The following DZIP1L variants were observed in gnomAD, a reference collection of about 807,000 sequenced individuals.
DZIP1L encodes the protein cilium assembly protein DZIP1L.
DZIP1L carries 90 observed loss-of-function variants against 88.7 expected under a neutral mutation model. The observed-to-expected ratio is 1.02, with a 90% CI of 0.86 to 1.21. DZIP1L has a LOEUF of 1.21. Ranked by LOEUF, DZIP1L falls within the 50% of genes most tolerant of loss-of-function variation. DZIP1L has a pLI of 0.00. For missense variants in DZIP1L, 932 were observed against 955.8 expected (o/e 0.98, Z 0.33); for synonymous variants, 363 against 372.1 (o/e 0.98, Z 0.28).
intron 12 of DZIP1L, among the ~76,000 whole-genome samples, chr3:138,070,429 C>T (rs1417554160): frequency 1.3e-5 from 2 of 152,116 alleles, no homozygotes; most frequent in African/African-American, 2.4e-5. Context: ...GATTTTAAGG[C>T]CAGAAGTTTA....
At chr3:138,085,417 AC>A (rs1413221261) in intron 7 of DZIP1L, among the ~76,000 whole-genome samples, 4 of 152,178 alleles carry the variant, frequency 2.6e-5, no homozygotes, top group East Asian at 1.9e-4. Flanking sequence ...CAAGAAAAAA[AC>A]AAACAACCCC....
rs1944193535 is a variant in DZIP1L, at chr3:138,091,004, C to T, written c.870+1379G>A. ...GTTCAAGTGATTCTCCTACCTCAGCCTCCCAAGCAGCTGGGATTATAGGCA... is the reference window on the plus strand; with the variant it reads ...GTTCAAGTGATTCTCCTACCTCAGCTTCCCAAGCAGCTGGGATTATAGGCA... On this transcript the variant is annotated intron_variant, in intron 5 of 15. Coordinates refer to ENST00000327532, the MANE Select transcript of DZIP1L (RefSeq NM_173543.3). 2.6e-5 allele frequency among the ~76,000 whole-genome samples: 4 copies of T among 151,496 alleles called. No homozygotes were observed. The South Asian group carries it at 8.4e-4, about 32-fold the overall frequency.
At chr3:138,102,152 G>A in intron 2 of DZIP1L, 5 of 1,379,792 alleles carry the variant, frequency 3.6e-6, no homozygotes, top group Non-Finnish European at 5.1e-6. Context: ...TGCTGTCCAT[G>A]TCCAGGGAGT....
At chr3:138,076,378 T>C (rs990389608) in intron 11 of DZIP1L, among the ~76,000 whole-genome samples, 2 of 152,244 alleles carry the variant, frequency 1.3e-5, no homozygotes, top group Non-Finnish European at 2.9e-5. Flanking sequence ...TAAAAGGAGA[T>C]CTACCATTTG....
chr3:138,105,218 T>C (rs1442878012), intron 1 of DZIP1L, among the ~76,000 whole-genome samples: 1 of 152,078 alleles, frequency 6.6e-6, no homozygotes, highest in Non-Finnish European at 1.5e-5. Context: ...AAGATATATA[T>C]CATATTAGAA....
intron 11 of DZIP1L, among the ~76,000 whole-genome samples, chr3:138,076,226 C>T (rs1055260916): frequency 6.6e-6 from 1 of 152,180 alleles, no homozygotes; most frequent in African/African-American, 2.4e-5. Context: ...CACCTCACCC[C>T]TACAAGAATG....
At position 138,103,331 on chromosome 3, in the gene DZIP1L, C is replaced by T. The variant is rs147095081; in HGVS notation, c.501+140G>A. On this transcript the variant is annotated intron_variant, in intron 2 of 15. Transcript: ENST00000327532. Reference sequence around the variant, plus strand: ...CAGGCTCTCTGGCCATGAGCAGCATCTCTGAAATCTGCTCCTAACCAGTGA... The same window carrying T: ...CAGGCTCTCTGGCCATGAGCAGCATTTCTGAAATCTGCTCCTAACCAGTGA... The T allele has an allele frequency of 3.3e-3, 3,010 of 919,556 alleles. 7 individuals carry two copies. Among genetic ancestry groups the T allele is most frequent in the Non-Finnish European group, 4.4e-3 (2,701 of 614,060 alleles). 57.0% of individuals were successfully genotyped at this position (919,556 alleles called of 1,614,324 possible).
At chr3:138,083,947 T>C (rs2107782010) in intron 8 of DZIP1L, among the ~76,000 whole-genome samples, 166 bp downstream of exon 8, 1 of 152,330 alleles carries the variant, frequency 6.6e-6, no homozygotes, top group East Asian at 1.9e-4. Flanking sequence ...AGGAGGCAGC[T>C]ACAGCCTTAT....
rs922173873 is a variant in DZIP1L, at chr3:138,103,619, C to T, written c.353G>A (p.Ser118Asn). ...CTGACCACGCTGCTGCTGGCCCAGGCTGGTCTGCAGCCGTGCCTCCAGCTG... is the reference window on the plus strand; with the variant it reads ...CTGACCACGCTGCTGCTGGCCCAGGTTGGTCTGCAGCCGTGCCTCCAGCTG... Reference protein sequence around the residue: ...VAQLEARLQTSLGQQQRGQQE... With the variant: ...VAQLEARLQTNLGQQQRGQQE... Residue 118 changes from serine to asparagine, a missense_variant, in exon 2 of 16, where the codon AGC (serine) becomes AAC (asparagine). Coordinates refer to ENST00000327532, the MANE Select transcript of DZIP1L (RefSeq NM_173543.3). 6.2e-7 allele frequency: 1 copy of T among 1,606,530 alleles called. No homozygotes were observed.
At chr3:138,088,690 TG>T (rs980078793) in intron 5 of DZIP1L, 183 bp from the exon 6 acceptor site, 1 of 1,268,866 alleles carries the variant, frequency 7.9e-7, no homozygotes, top group Non-Finnish European at 9.9e-7. Context: ...AGGGCTCTCC[TG>T]GGGGCTCAGC....
intron 4 of DZIP1L, 129 bp downstream of exon 4, chr3:138,094,733 C>T: frequency 2.0e-5 from 29 of 1,420,590 alleles, no homozygotes; most frequent in Non-Finnish European, 2.8e-5. Flanking sequence ...CAAGAAGGCA[C>T]TATCCCAGCT....
intron 11 of DZIP1L, among the ~76,000 whole-genome samples, chr3:138,074,460 A>G (rs898782331): frequency 2.6e-5 from 4 of 152,236 alleles, no homozygotes; most frequent in Non-Finnish European, 2.9e-5. Flanking sequence ...CAGTGAAACT[A>G]AGCTTCATAA....
At chr3:138,088,558 T>C (rs1317030187) in intron 5 of DZIP1L, 51 bp from the exon 6 acceptor site, 2 of 1,593,552 alleles carry the variant, frequency 1.3e-6, no homozygotes, top group Non-Finnish European at 1.7e-6. Flanking sequence ...CATCATGATG[T>C]TGTCTTTTAT....
rs1261061508 is a variant in DZIP1L at position 138,095,624 on chromosome 3, C to CA, written c.587-642dup. On this transcript the variant is annotated intron_variant, in intron 3 of 15. Coordinates refer to ENST00000327532, the MANE Select transcript of DZIP1L (RefSeq NM_173543.3). ...TGAAACCCCGTCTCTACTAAAAATA[C>CA]AAAAAAAATTAGCCGGGTGTGGTGG... Among the ~76,000 whole-genome samples the CA allele has an allele frequency of 3.3e-5, 5 of 151,628 alleles. No individual in the cohort carries two copies. In the South Asian group the frequency reaches 6.3e-4, roughly 19 times the overall value.
intron 13 of DZIP1L, 76 bp downstream of exon 13, chr3:138,068,075 G>T: frequency 7.7e-7 from 1 of 1,295,978 alleles, no homozygotes; most frequent in Non-Finnish European, 1.0e-6. Flanking sequence ...AAGCCTGGAG[G>T]GAGCCCAGAA....
At chr3:138,092,277 T>C in intron 5 of DZIP1L, 106 bp downstream of exon 5, 1 of 1,288,366 alleles carries the variant, frequency 7.8e-7, no homozygotes, top group Non-Finnish European at 1.0e-6. Flanking sequence ...CTCACAGTGT[T>C]TTAGCTTCCA....
intron 11 of DZIP1L, among the ~76,000 whole-genome samples, chr3:138,076,945 AATATACATACATACATGT>A (rs1272220153): frequency 6.6e-6 from 1 of 152,198 alleles, no homozygotes; most frequent in South Asian, 2.1e-4. Flanking sequence ...CTGAAAATAA[AATATACATACATACATGT>A]ATATACATAC....
chr3:138,102,220 G>C (rs1420482942), intron 2 of DZIP1L: 17 of 1,392,752 alleles, frequency 1.2e-5, no homozygotes, highest in Admixed American at 8.4e-5. Flanking sequence ...TGCAGCTCCC[G>C]GATCTCCTCT....
chr3:138,068,244 T>C lies in DZIP1L; in HGVS notation c.1739A>G (p.His580Arg), dbSNP rs199894224. The C allele has an allele frequency of 1.5e-4, 240 of 1,591,646 alleles. 2 individuals carry two copies. In the East Asian group the frequency reaches 4.1e-3, roughly 27 times the overall value. Residue 580 changes from histidine (H) to arginine (R), a missense_variant, in exon 13 of 16, where the codon CAT becomes CGT. His to Arg is a conservative substitution (Grantham distance 29). Transcript: ENST00000327532. ...PPPTRQSHGS[H>R]GSSLTQVSAP... ...GGACACCTGGGTCAGGCTGGAGCCATGGCTGCCATGGCTCTGACGAGTTGG... is the reference window on the plus strand; with the variant it reads ...GGACACCTGGGTCAGGCTGGAGCCACGGCTGCCATGGCTCTGACGAGTTGG...
Sources: gnomAD v4.1 joint callset for allele counts (sites outside exome capture counted in the v4.1 genomes callset) on GRCh38, gnomAD v4.1.1 for gene constraint, MANE v1.5 for transcripts, NCBI Gene and HGNC (gene_info 2026-07-23, HGNC 2026-07-21) for gene names.